SORL1: variants seen among roughly 807,000 people sequenced by gnomAD.
The protein encoded by SORL1 is sortilin related receptor 1.
Under a neutral mutation model 273.7 loss-of-function variants are expected in SORL1, and 127 were observed. The observed-to-expected ratio is 0.46, with a 90% CI of 0.40 to 0.54. SORL1 has a LOEUF of 0.54. Among genes scored for constraint, SORL1 ranks in the 20% least tolerant of loss-of-function variants. The probability of loss-of-function intolerance (pLI) is 0.00; values close to 1 mark genes in which losing one functional copy is unlikely to be tolerated. For synonymous variants in SORL1, 1,031 were observed against 1,067.4 expected (o/e 0.97, Z 0.66); for missense variants, 2,494 against 2,846.1 (o/e 0.88, Z 2.81).
At position 121,567,044 on chromosome 11, in the gene SORL1, C is replaced by T. The variant is rs1422380913; in HGVS notation, c.3154C>T (p.Pro1052Ser). Residue 1052 changes from proline (P) to serine (S), a missense_variant, in exon 22 of 48, where the codon CCA (proline) becomes TCA (serine). This residue lies in a region of SORL1 where 1,609 missense variants were observed against 1,816.4 expected (regional missense o/e 0.89). Transcript: ENST00000260197. ...CPEDVSSSVL[P>S]SGDLMCDCPQ... ...AGAGGATGTGTCCAGCAGTGTGCTT[C>T]CATCAGGGGACCTGATGTGTGACTG... 5.6e-6 allele frequency: 9 copies of T among 1,613,916 alleles called. No individual in the cohort carries two copies. Among genetic ancestry groups the T allele is most frequent in the Non-Finnish European group, 7.6e-6 (9 of 1,179,864 alleles).
intron 23 of SORL1, 48 bp downstream of exon 23, chr11:121,570,318 C>G (rs891411556): frequency 1.4e-6 from 2 of 1,441,070 alleles, no homozygotes; most frequent in African/African-American, 2.8e-5. Context: ...ACTCAGAAGC[C>G]TGGTTGGCTC....
chr11:121,460,948 C>T (rs1040489211), intron 1 of SORL1, among the ~76,000 whole-genome samples: 2 of 152,084 alleles, frequency 1.3e-5, no homozygotes, highest in Non-Finnish European at 2.9e-5. Flanking sequence ...CCCCAGGGAC[C>T]TGGGGAGAAA....
At chr11:121,599,515 G>C (rs1413084682) in intron 32 of SORL1, among the ~76,000 whole-genome samples, 1 of 152,218 alleles carries the variant, frequency 6.6e-6, no homozygotes, top group Non-Finnish European at 1.5e-5. Flanking sequence ...TTGCACTCCA[G>C]CCTGGGCAAC....
chr11:121,602,050 A>G (rs188646691), intron 32 of SORL1, among the ~76,000 whole-genome samples: 10 of 152,324 alleles, frequency 6.6e-5, no homozygotes, highest in Admixed American at 2.6e-4. Flanking sequence ...CATCTGGAGC[A>G]GTGCCCGAGT....
At position 121,604,271 on chromosome 11, in the gene SORL1, G is replaced by A. The variant is rs759454929; in HGVS notation, c.4598G>A (p.Arg1533His). ...DGEACIVLSE[R>H]CDGFLDCSDE... ...GAGGCCTGCATTGTGCTCTCGGAGCGCTGCGACGGCTTCCTGGACTGCTCG... is the reference window on the plus strand; with the variant it reads ...GAGGCCTGCATTGTGCTCTCGGAGCACTGCGACGGCTTCCTGGACTGCTCG... The change falls in exon 33 of 48, where the codon CGC (arginine) becomes CAC (histidine). Residue 1533 changes from arginine to histidine, a missense_variant. Transcript: ENST00000260197. The A allele has an allele frequency of 1.3e-5, 21 of 1,613,930 alleles. No homozygotes were observed. The highest frequency in any genetic ancestry group is 1.6e-4 in the Middle Eastern group (1 of 6,084).
Position 121,618,796 on chromosome 11 carries a change from CG to C in SORL1, c.5628del (p.Ser1877ProfsTer12). ...RNVVYGIFYATSFLDLYRNPK... is the reference protein window; with the variant it reads ...RNVVYGIFYAXSFLDLYRNPK... ...CAGGTTTATGGTATTTTCTATGCCA[CG>C]TCCTTTCTTGACCTCTATCGCAACC... On this transcript the variant is annotated frameshift_variant, in exon 42 of 48. Transcript: ENST00000260197. LOFTEE classifies it high-confidence loss of function. 3 of 1,614,146 alleles carry C rather than the reference CG, an allele frequency of 1.9e-6. No homozygotes were observed. The highest frequency in any genetic ancestry group is 2.5e-6 in the Non-Finnish European group (3 of 1,179,986).
chr11:121,542,295 T>G (rs1158289157), intron 12 of SORL1, among the ~76,000 whole-genome samples: 1 of 152,218 alleles, frequency 6.6e-6, no homozygotes, highest in Non-Finnish European at 1.5e-5. Flanking sequence ...TGGCCACTTT[T>G]CCCCTTCAAT....
chr11:121,543,826 A>C, intron 13 of SORL1, 100 bp downstream of exon 13: 1 of 1,156,262 alleles, frequency 8.6e-7, no homozygotes, highest in Non-Finnish European at 1.2e-6. Context: ...GAAGAGCCTG[A>C]CATTCATTGG....
intron 12 of SORL1, among the ~76,000 whole-genome samples, chr11:121,536,126 T>C (rs942391349): frequency 2.0e-5 from 3 of 152,222 alleles, no homozygotes; most frequent in African/African-American, 7.2e-5. Context: ...AGTAATAATA[T>C]TTTGAACTTG....
rs943583447 is a variant in SORL1 at position 121,615,443 on chromosome 11, A to G, written c.5604+388A>G. ...CCTTCTATAGTTGATCTCTCTCCCT[A>G]TGAACTCCTAATATATTTATAGTTG... On this transcript the variant is annotated intron_variant, in intron 41 of 47. Transcript: ENST00000260197. Among the ~76,000 whole-genome samples, 9 of 152,080 alleles carry G rather than the reference A, an allele frequency of 5.9e-5. 1 individual carries two copies. In the South Asian group the frequency reaches 1.2e-3, roughly 21 times the overall value.
In SORL1 at chr11:121,604,220, G is replaced by A. The variant is rs1350986785; in HGVS notation, c.4547G>A (p.Ser1516Asn). 1.2e-6 allele frequency: 2 copies of A among 1,614,154 alleles called. No homozygotes were observed. The stretch of plus-strand genomic sequence containing the variant: ...ACACACAGCACCTTGACTTGCATGA[G>A]CAGGGAGTTCCAGTGCGAGGACGGG... ...CPTHSTLTCM[S>N]REFQCEDGEA... is the part of the protein sequence containing the mutation. The change falls in exon 33 of 48, where the codon AGC becomes AAC. Residue 1516 changes from serine (S) to asparagine (N), a missense_variant. Ser to Asn is a conservative substitution (Grantham distance 46). This residue lies in a region of SORL1 where 1,609 missense variants were observed against 1,816.4 expected (regional missense o/e 0.89). Transcript: ENST00000260197.
At chr11:121,613,454 T>G (rs1863596353) in intron 40 of SORL1, among the ~76,000 whole-genome samples, 2 of 152,230 alleles carry the variant, frequency 1.3e-5, no homozygotes, top group Non-Finnish European at 2.9e-5. Context: ...GTCTCCTCCT[T>G]CTAGGCTGTG....
chr11:121,588,888 T>G (rs1401228875), intron 28 of SORL1, among the ~76,000 whole-genome samples: 1 of 152,104 alleles, frequency 6.6e-6, no homozygotes, highest in Non-Finnish European at 1.5e-5. Flanking sequence ...AATTTCCTCT[T>G]CTGTAAGGAC....
chr11:121,614,861 G>C lies in SORL1; in HGVS notation c.5420-10G>C, dbSNP rs201567708. The C allele has an allele frequency of 2.3e-5, 37 of 1,610,916 alleles. No individual in the cohort carries two copies. In the East Asian group the frequency reaches 7.8e-4, roughly 34 times the overall value. ...CTTCCTCCTGGAATCTCCTTTTCCT[G>C]TTTTCACAGTTGGCAATCTGACAGC... On this transcript the variant is annotated splice_polypyrimidine_tract_variant and intron_variant, in intron 40 of 47. Coordinates refer to ENST00000260197, the MANE Select transcript of SORL1 (RefSeq NM_003105.6).
At chr11:121,507,552 C>T (rs1178008672) in intron 6 of SORL1, among the ~76,000 whole-genome samples, 1 of 151,922 alleles carries the variant, frequency 6.6e-6, no homozygotes, top group East Asian at 1.9e-4. Flanking sequence ...TTCTGTTGAA[C>T]CCCTCTACTA....
intron 11 of SORL1, among the ~76,000 whole-genome samples, chr11:121,527,061 G>A (rs947703521): frequency 2.0e-5 from 3 of 151,940 alleles, no homozygotes; most frequent in Admixed American, 1.3e-4. Context: ...TTGAATAGAA[G>A]TAGTGAAAGT....
intron 12 of SORL1, 141 bp from the exon 13 acceptor site, chr11:121,543,407 T>A: frequency 4.5e-6 from 3 of 665,084 alleles, no homozygotes; most frequent in Non-Finnish European, 7.7e-6. Context: ...GAGCATTTCC[T>A]TAAACTTTCC....
Position 121,559,625 on chromosome 11 carries a change from A to T in SORL1, c.3017A>T (p.Asp1006Val). 6.2e-7 allele frequency: 1 copy of T among 1,614,164 alleles called. No homozygotes were observed. The highest frequency in any genetic ancestry group is 8.5e-7 in the Non-Finnish European group (1 of 1,180,004). ...ILANQLTGLMDMKIFYKGKNT... is the reference protein window; with the variant it reads ...ILANQLTGLMVMKIFYKGKNT... Reference sequence around the variant, plus strand: ...GCAAACCAGCTCACGGGGCTCATGGACATGAAGATTTTCTACAAGGGGAAG... The same window carrying T: ...GCAAACCAGCTCACGGGGCTCATGGTCATGAAGATTTTCTACAAGGGGAAG... The change falls in exon 21 of 48, where the codon GAC (aspartate) becomes GTC (valine). Residue 1006 changes from aspartate to valine, a missense_variant. By Grantham distance (152) the Asp-to-Val change is radical. Around this residue, in one of 3 missense-constraint regions of SORL1, gnomAD observed 1,609 missense variants for 1,816.4 expected, o/e 0.89. Coordinates refer to ENST00000260197, the MANE Select transcript of SORL1 (RefSeq NM_003105.6).
At chr11:121,467,705 G>C (rs1353691187) in intron 1 of SORL1, among the ~76,000 whole-genome samples, 27 of 152,210 alleles carry the variant, frequency 1.8e-4, no homozygotes. Context: ...GGATCCAGGG[G>C]ATTGGGCTGG....
Sources: gnomAD v4.1 joint callset for allele counts (sites outside exome capture counted in the v4.1 genomes callset) on GRCh38, gnomAD v4.1.1 for gene constraint, gnomAD v4.1.1 regional missense constraint, MANE v1.5 for transcripts, NCBI Gene and HGNC (gene_info 2026-07-23, HGNC 2026-07-21) for gene names.